Variants in OTOF observed in about 807,000 individuals in gnomAD.
OTOF encodes otoferlin.
OTOF carries 218 observed loss-of-function variants against 236.8 expected under a neutral mutation model. That is an observed-to-expected ratio of 0.92 (90% CI 0.82 to 1.03). The LOEUF is 1.03. OTOF is among the 50% of genes least tolerant of loss of function. The pLI is 0.00. For synonymous variants in OTOF, 1,041 were observed against 1,072.5 expected (o/e 0.97, Z 0.57); for missense variants, 2,590 against 2,694.4 (o/e 0.96, Z 0.86).
chr2:26,472,000 C>T (rs1665001598), intron 30 of OTOF, among the ~76,000 whole-genome samples: 1 of 151,920 alleles, frequency 6.6e-6, no homozygotes, highest in Non-Finnish European at 1.5e-5. Flanking sequence ...CACATATGCA[C>T]ACACCACATG....
chr2:26,489,131 G>T, intron 11 of OTOF, 80 bp downstream of exon 11: 1 of 1,014,004 alleles, frequency 9.9e-7, no homozygotes, highest in Non-Finnish European at 1.5e-6. Context: ...CCCAGGAACT[G>T]CCACAGTGGG....
intron 2 of OTOF, among the ~76,000 whole-genome samples, chr2:26,531,422 T>C (rs1666945821): frequency 6.6e-6 from 1 of 152,198 alleles, no homozygotes; most frequent in African/African-American, 2.4e-5. Flanking sequence ...TAGAGGGCTA[T>C]TGAGAGAATC....
chr2:26,472,296 GCA>G lies in OTOF; in HGVS notation c.3864+221_3864+222del, dbSNP rs1572418556. Reference sequence around the variant, plus strand: ...GCACATATGCACACCACACACATGCGCACACACATGCACATTTACATACCACA... The same window carrying G: ...GCACATATGCACACCACACACATGCGCACACATGCACATTTACATACCACA... On this transcript the variant is annotated intron_variant, in intron 30 of 46. Coordinates refer to ENST00000272371, the MANE Select transcript of OTOF (RefSeq NM_194248.3). 9 of 598,474 alleles carry G rather than the reference GCA, an allele frequency of 1.5e-5. No individual in the cohort carries two copies. The East Asian group carries it at 1.8e-4, about 12-fold the overall frequency. The allele number at this position is 598,474 out of a possible 1,614,324, so 37.1% of individuals were successfully genotyped here.
At chr2:26,531,729 A>G (rs559217336) in intron 2 of OTOF, among the ~76,000 whole-genome samples, 12 of 152,054 alleles carry the variant, frequency 7.9e-5, no homozygotes, top group African/African-American at 2.7e-4. Flanking sequence ...GCAAGACGAG[A>G]TGAGGATTTT....
intron 16 of OTOF, 49 bp from the exon 17 acceptor site, chr2:26,479,702 C>T (rs774388526): frequency 2.5e-6 from 4 of 1,578,790 alleles, no homozygotes; most frequent in Non-Finnish European, 3.5e-6. Flanking sequence ...CCCACCAGGC[C>T]CCTCCCACCG....
intron 11 of OTOF, among the ~76,000 whole-genome samples, chr2:26,486,281 G>A (rs1489133278): frequency 1.3e-5 from 2 of 150,422 alleles, no homozygotes; most frequent in Admixed American, 6.6e-5. Flanking sequence ...TGGATATATG[G>A]GTGAGTGGGT....
rs1405353648 is a variant in OTOF at position 26,494,935 on chromosome 2, C to A, written c.897+7G>T. The A allele has an allele frequency of 4.3e-6, 7 of 1,614,144 alleles. No individual in the cohort carries two copies. The highest frequency in any genetic ancestry group is 5.9e-6 in the Non-Finnish European group (7 of 1,179,992). Reference sequence around the variant, plus strand: ...ACAGAGGCTCCTTTCCCCACAGGGCCACTGACCTCGTTGTAATAGGGGCAG... The same window carrying A: ...ACAGAGGCTCCTTTCCCCACAGGGCAACTGACCTCGTTGTAATAGGGGCAG... On this transcript the variant is annotated splice_region_variant and intron_variant, in intron 9 of 46. Coordinates refer to ENST00000272371, the MANE Select transcript of OTOF (RefSeq NM_194248.3).
chr2:26,463,605 C>A lies in OTOF; in HGVS notation c.5104-34G>T. 2.0e-6 allele frequency: 3 copies of A among 1,512,150 alleles called. No homozygotes were observed. The South Asian group carries it at 3.6e-5, about 18-fold the overall frequency. The allele number at this position is 1,512,150 out of a possible 1,614,324, so 93.7% of individuals were successfully genotyped here. Reference sequence around the variant, plus strand: ...GAGGGTTGTGGCAGATCTCCCAGGGCCTTCTCCCTCTGCCCAGGAAGATCA... The same window carrying A: ...GAGGGTTGTGGCAGATCTCCCAGGGACTTCTCCCTCTGCCCAGGAAGATCA... On this transcript the variant is annotated intron_variant, in intron 40 of 46. Transcript: ENST00000272371.
intron 2 of OTOF, among the ~76,000 whole-genome samples, 180 bp from the exon 3 acceptor site, chr2:26,528,100 G>A (rs1328287027): frequency 6.6e-6 from 1 of 152,146 alleles, no homozygotes; most frequent in Admixed American, 6.5e-5. Context: ...CAACCACCTT[G>A]TAGAGCCGGC....
At chr2:26,537,820 C>T (rs1173121540) in intron 1 of OTOF, 46 bp from the exon 2 acceptor site, 7 of 1,404,532 alleles carry the variant, frequency 5.0e-6, no homozygotes, top group East Asian at 2.5e-5. Context: ...GCTGTCCAGA[C>T]GATGAGCATG....
intron 5 of OTOF, chr2:26,510,565 A>G (rs1666358502): frequency 2.4e-5 from 10 of 419,182 alleles, no homozygotes; most frequent in South Asian, 1.8e-4. Flanking sequence ...CTGGGCCTCC[A>G]TGACCCGTGC....
At chr2:26,538,815 C>CTTT (rs1667140429) in intron 1 of OTOF, among the ~76,000 whole-genome samples, 2 of 76,030 alleles carry the variant, frequency 2.6e-5, no homozygotes, top group Admixed American at 1.9e-4. Flanking sequence ...AGGGAAACAC[C>CTTT]ATTTTTTTTT....
intron 18 of OTOF, among the ~76,000 whole-genome samples, chr2:26,478,632 A>G (rs12469637): frequency 1.3e-4 from 20 of 152,242 alleles, no homozygotes; most frequent in Admixed American, 1.3e-3. Context: ...TGAGCTTCAG[A>G]CACTGCTCGC....
rs1489856616 is a variant in OTOF, at chr2:26,460,662, G to A, written c.5798C>T (p.Pro1933Leu). 3 of 1,613,882 alleles carry A rather than the reference G, an allele frequency of 1.9e-6. No individual in the cohort carries two copies. ...PVGLARNEPD[P>L]LEKPNRPDTS... ...GGGCACTCACTTGGGTTTCTCTAGG[G>A]GGTCAGGTTCATTGCGGGCCAGGCC... The change falls in exon 45 of 47, where the codon CCC becomes CTC. Residue 1933 changes from proline to leucine, a missense_variant. Around this residue, in one of 2 missense-constraint regions of OTOF, gnomAD observed 1,211 missense variants for 1,352.8 expected, o/e 0.90. Coordinates refer to ENST00000272371, the MANE Select transcript of OTOF (RefSeq NM_194248.3). This position sits in a 1 kb window ranked among gnomAD's most constrained non-coding sequence, Gnocchi z 5.3.
chr2:26,508,003 C>T (rs935606249), intron 5 of OTOF, among the ~76,000 whole-genome samples: 2 of 152,138 alleles, frequency 1.3e-5, no homozygotes, highest in African/African-American at 2.4e-5. Flanking sequence ...GAACATTCAC[C>T]AAACTAAATT....
At position 26,475,911 on chromosome 2, in the gene OTOF, C is replaced by T. The variant is rs1270891632; in HGVS notation, c.2991+3G>A. ...GAGCCACTCCCTCCTCCCAGGCCCT[C>T]ACCTCTGTGCACTGACTCTGATTGA... On this transcript the variant is annotated splice_donor_region_variant and intron_variant, in intron 24 of 46. Coordinates refer to ENST00000272371, the MANE Select transcript of OTOF (RefSeq NM_194248.3). 6.2e-7 allele frequency: 1 copy of T among 1,603,354 alleles called. No individual in the cohort carries two copies. Among genetic ancestry groups the T allele is most frequent in the Non-Finnish European group, 8.5e-7 (1 of 1,175,262 alleles).
At chr2:26,537,692 A>AG (rs767587090) in intron 2 of OTOF, 24 bp downstream of exon 2, 2 of 1,540,020 alleles carry the variant, frequency 1.3e-6, no homozygotes, top group East Asian at 2.4e-5. Context: ...GGGCTGAGGG[A>AG]GGGGGGAGTC....
Position 26,460,992 on chromosome 2 carries a change from C to A in OTOF, c.5572G>T (p.Ala1858Ser), listed in dbSNP as rs140763301. The A allele has an allele frequency of 1.9e-6, 3 of 1,613,528 alleles. No individual in the cohort carries two copies. In the South Asian group the frequency reaches 3.3e-5, roughly 18 times the overall value. ...ELDLNRFPRGAKTAKQCTMEM... is the reference protein window; with the variant it reads ...ELDLNRFPRGSKTAKQCTMEM... ...ATGGTGCACTGCTTGGCTGTCTTTG[C>A]GCCCCGCGGGAACCGGTTCAGGTCC... The change falls in exon 44 of 47, where the codon GCA becomes TCA. Residue 1858 changes from alanine (A) to serine (S), a missense_variant. This residue lies in a region of OTOF where 1,211 missense variants were observed against 1,352.8 expected (regional missense o/e 0.90). Transcript: ENST00000272371. The surrounding 1 kb of genome is among the most constrained non-coding windows in gnomAD (Gnocchi z 5.3).
At chr2:26,518,102 C>T (rs1666580970) in intron 4 of OTOF, among the ~76,000 whole-genome samples, 1 of 152,204 alleles carries the variant, frequency 6.6e-6, no homozygotes, top group Non-Finnish European at 1.5e-5. Flanking sequence ...TGGCTGCAGT[C>T]CTGGCTTCTG....
Sources: gnomAD v4.1 joint callset for allele counts (sites outside exome capture counted in the v4.1 genomes callset) on GRCh38, gnomAD v4.1.1 for gene constraint, gnomAD v4.1.1 regional missense constraint, Gnocchi (gnomAD v3.1) non-coding constraint, MANE v1.5 for transcripts, NCBI Gene and HGNC (gene_info 2026-07-23, HGNC 2026-07-21) for gene names.